KANK1: variants seen among roughly 807,000 people sequenced by gnomAD.
KANK1 encodes KN motif and ankyrin repeat domains 1, also known as KN motif and ankyrin repeat domain-containing protein 1.
KANK1 carries 109 observed loss-of-function variants against 106.2 expected under a neutral mutation model. That is an observed-to-expected ratio of 1.03 (90% CI 0.88 to 1.20). The LOEUF (loss-of-function observed/expected upper bound fraction) is 1.20. KANK1 is among the 50% of genes most tolerant of loss of function. The pLI, the probability that KANK1 is intolerant of heterozygous loss-of-function variation, is 0.00. For synonymous variants in KANK1, 873 were observed against 652.2 expected, an observed-to-expected ratio of 1.34 and a Z score of -5.16; for missense variants, 2,399 against 1,710.7, an observed-to-expected ratio of 1.40 and a Z score of -7.10.
At chr9:592,906 G>C (rs1191842081) in intron 1 of KANK1, among the ~76,000 whole-genome samples, 1 of 151,736 alleles carries the variant, frequency 6.6e-6, no homozygotes, top group African/African-American at 2.4e-5. Flanking sequence ...TGCAGAAACT[G>C]CTCATTGACT....
chr9:704,183 C>G (rs1564017322), intron 2 of KANK1, among the ~76,000 whole-genome samples: 1 of 152,126 alleles, frequency 6.6e-6, no homozygotes, highest in African/African-American at 2.4e-5. Flanking sequence ...CAGTGTAACT[C>G]CAAGTAAACA....
At chr9:661,273 T>A (rs71488138) in intron 1 of KANK1, among the ~76,000 whole-genome samples, 1 of 143,156 alleles carries the variant, frequency 7.0e-6, no homozygotes, top group East Asian at 2.0e-4. Context: ...ATCCCTCCTC[T>A]CTTCCCCCTC....
intron 3 of KANK1, among the ~76,000 whole-genome samples, chr9:493,987 A>G (rs1194853781): frequency 2.0e-5 from 3 of 151,880 alleles, no homozygotes; most frequent in Non-Finnish European, 4.4e-5. Context: ...GGTTCAAGCG[A>G]TTCTCCTGCC....
rs141219438 is a variant in KANK1 at position 687,294 on chromosome 9, G to C, written c.37+10285G>C. On this transcript the variant is annotated intron_variant, in intron 2 of 11. Coordinates refer to ENST00000382297, the MANE Select transcript of KANK1 (RefSeq NM_015158.5). ...TGCTTTGTGGTTTTGTGTATGTAAG[G>C]ATGGCTGGCAAGATTAAGGATCATT... Among the ~76,000 whole-genome samples the C allele has an allele frequency of 6.4e-4, 97 of 152,218 alleles. 3 individuals carry two copies. Among genetic ancestry groups the C allele is most frequent in the African/African-American group, 2.3e-3 (94 of 41,528 alleles).
chr9:742,641 A>AG, intron 10 of KANK1, among the ~76,000 whole-genome samples: 1 of 152,304 alleles, frequency 6.6e-6, no homozygotes, highest in East Asian at 1.9e-4. Context: ...TACCCCAAAA[A>AG]TTCATGAAAT....
chr9:702,437 G>T (rs1190856601), intron 2 of KANK1, among the ~76,000 whole-genome samples: 1 of 152,086 alleles, frequency 6.6e-6, no homozygotes, highest in Admixed American at 6.6e-5. Flanking sequence ...ATTTTGTTCG[G>T]TGCCCCCAGC....
At chr9:645,520 C>G (rs1839480165) in intron 1 of KANK1, among the ~76,000 whole-genome samples, 1 of 148,950 alleles carries the variant, frequency 6.7e-6, no homozygotes, top group Non-Finnish European at 1.5e-5. Context: ...AATGAAATCC[C>G]TAATGTTTAA....
At chr9:524,980 GC>G (rs1304547430) in intron 1 of KANK1, among the ~76,000 whole-genome samples, 1 of 118,160 alleles carries the variant, frequency 8.5e-6, no homozygotes, top group Non-Finnish European at 1.7e-5. Flanking sequence ...AACTCTTGCT[GC>G]CTTTTTTTTT....
At chr9:638,731 C>G (rs930669635) in intron 1 of KANK1, among the ~76,000 whole-genome samples, 8 of 152,152 alleles carry the variant, frequency 5.3e-5, no homozygotes, top group African/African-American at 1.9e-4. Flanking sequence ...TGAAGAGGCA[C>G]TTGGTTCCTT....
At chr9:645,884 T>C (rs950534867) in intron 1 of KANK1, among the ~76,000 whole-genome samples, 2 of 150,972 alleles carry the variant, frequency 1.3e-5, no homozygotes, top group African/African-American at 5.0e-5. Flanking sequence ...CATTGGTCTA[T>C]ACAACAAAAA....
chr9:601,568 C>G (rs1827753218), intron 1 of KANK1, among the ~76,000 whole-genome samples: 2 of 151,840 alleles, frequency 1.3e-5, no homozygotes, highest in African/African-American at 2.4e-5. Context: ...TTTATTGCCT[C>G]ATAACTGGTT....
At chr9:532,772 T>C (rs1326384940) in intron 1 of KANK1, among the ~76,000 whole-genome samples, 3 of 152,186 alleles carry the variant, frequency 2.0e-5, no homozygotes, top group African/African-American at 7.2e-5. Context: ...CAGTTTATTA[T>C]GTAGAAGTGC....
At chr9:485,254 G>A (rs1281225440) in intron 3 of KANK1, among the ~76,000 whole-genome samples, 2 of 152,182 alleles carry the variant, frequency 1.3e-5, no homozygotes, top group Non-Finnish European at 2.9e-5. Context: ...TGAGAAATGG[G>A]CATGTGAACC....
At chr9:481,063 G>A (rs1296894518) in intron 3 of KANK1, among the ~76,000 whole-genome samples, 1 of 152,170 alleles carries the variant, frequency 6.6e-6, no homozygotes, top group African/African-American at 2.4e-5. Context: ...ACTTACATGA[G>A]CCTACAATTG....
At chr9:729,686 GTTTTAGC>G (rs1831687989) in intron 3 of KANK1, among the ~76,000 whole-genome samples, 1 of 152,186 alleles carries the variant, frequency 6.6e-6, no homozygotes, top group South Asian at 2.1e-4. Context: ...GTCACATTTT[GTTTTAGC>G]TGGAATAATG....
chr9:671,389 T>C (rs1187532784), intron 1 of KANK1, among the ~76,000 whole-genome samples: 9 of 152,032 alleles, frequency 5.9e-5, no homozygotes, highest in South Asian at 4.2e-4. Flanking sequence ...CTCACACCTG[T>C]AATCCCAGCC....
At chr9:693,011 C>CT (rs879412075) in intron 2 of KANK1, among the ~76,000 whole-genome samples, 39 of 148,428 alleles carry the variant, frequency 2.6e-4, no homozygotes, top group East Asian at 2.4e-3. Context: ...CAAAAAAGAA[C>CT]TTTTTTTTTT....
At chr9:538,617 G>A (rs567807476) in intron 1 of KANK1, among the ~76,000 whole-genome samples, 71 of 152,310 alleles carry the variant, frequency 4.7e-4, no homozygotes, top group Non-Finnish European at 5.6e-4. Flanking sequence ...TTTCAACAGC[G>A]TGGTGCTATC....
chr9:689,450 C>G (rs933214768), intron 2 of KANK1, among the ~76,000 whole-genome samples: 1 of 152,192 alleles, frequency 6.6e-6, no homozygotes, highest in African/African-American at 2.4e-5. Flanking sequence ...CTTGGAAAAT[C>G]TCCCCTCATG....
Sources: allele counts gnomAD v4.1 joint callset (sites outside exome capture counted in the v4.1 genomes callset), GRCh38; gene constraint gnomAD v4.1.1; transcripts MANE v1.5; gene names NCBI Gene and HGNC (gene_info 2026-07-23, HGNC 2026-07-21).